Variants in FAM184A observed in about 807,000 individuals in gnomAD.
FAM184A encodes protein FAM184A.
FAM184A carries 99 observed loss-of-function variants against 143.8 expected under a neutral mutation model. The observed-to-expected ratio is 0.69, with a 90% CI of 0.58 to 0.81. The LOEUF is 0.81. Among genes scored for constraint, FAM184A ranks in the 40% least tolerant of loss-of-function variants. The pLI, the probability that FAM184A is intolerant of heterozygous loss-of-function variation, is 0.00. For missense variants in FAM184A, 1,217 were observed against 1,310.5 expected, an observed-to-expected ratio of 0.93 and a Z score of 1.10; for synonymous variants, 427 against 446.4, an observed-to-expected ratio of 0.96 and a Z score of 0.55.
intron 1 of FAM184A, among the ~76,000 whole-genome samples, chr6:119,114,410 C>G (rs1192630773): frequency 6.6e-6 from 1 of 152,226 alleles, no homozygotes. Flanking sequence ...TGTCACTAGC[C>G]TCCTAACCTT....
At chr6:119,019,786 T>C (rs1452533944) in intron 4 of FAM184A, among the ~76,000 whole-genome samples, 192 bp downstream of exon 4, 1 of 152,250 alleles carries the variant, frequency 6.6e-6, no homozygotes, top group Middle Eastern at 3.2e-3. Flanking sequence ...TACCCACATA[T>C]TTTGAACATA....
chr6:119,050,722 G>A (rs1164457082), intron 1 of FAM184A, among the ~76,000 whole-genome samples: 4 of 151,916 alleles, frequency 2.6e-5, no homozygotes, highest in South Asian at 2.1e-4. Flanking sequence ...GGAGAATGGC[G>A]TGAACCCGGG....
chr6:119,086,597 T>A (rs1303257180), intron 1 of FAM184A, among the ~76,000 whole-genome samples: 1 of 152,132 alleles, frequency 6.6e-6, no homozygotes, highest in Non-Finnish European at 1.5e-5. Flanking sequence ...TAGTGTAATA[T>A]GGCTAGAGCA....
At chr6:119,087,962 A>C (rs1442580374) in intron 1 of FAM184A, among the ~76,000 whole-genome samples, 1 of 152,218 alleles carries the variant, frequency 6.6e-6, no homozygotes, top group Non-Finnish European at 1.5e-5. Context: ...AAGATATTAC[A>C]TTAAGTGAAA....
At chr6:119,097,036 G>C (rs1458532863) in intron 1 of FAM184A, among the ~76,000 whole-genome samples, 2 of 152,102 alleles carry the variant, frequency 1.3e-5, no homozygotes, top group Non-Finnish European at 2.9e-5. Context: ...TCCCAGAGTA[G>C]AAAGTATGGG....
intron 5 of FAM184A, among the ~76,000 whole-genome samples, chr6:119,015,657 C>A (rs1785222795): frequency 6.6e-6 from 1 of 152,228 alleles, no homozygotes; most frequent in South Asian, 2.1e-4. Context: ...CGAATGCTGC[C>A]CCCTGCTCCA....
intron 1 of FAM184A, among the ~76,000 whole-genome samples, chr6:119,127,587 C>A (rs1230942436): frequency 6.6e-6 from 1 of 152,182 alleles, no homozygotes; most frequent in Non-Finnish European, 1.5e-5. Context: ...TGATCCCGGT[C>A]AAATGATTTA....
chr6:119,078,747 G>A (rs972288519), upstream of FAM184A: 3 of 153,084 alleles, frequency 2.0e-5, no homozygotes, highest in South Asian at 3.5e-4. This position sits in a 1 kb window ranked among gnomAD's most constrained non-coding sequence, Gnocchi z 5.5. Flanking sequence ...CGTTACCAGG[G>A]CGCGCGCGGG....
chr6:119,105,607 A>G (rs184269495), intron 1 of FAM184A, among the ~76,000 whole-genome samples: 99 of 152,310 alleles, frequency 6.5e-4, no homozygotes, highest in Admixed American at 1.0e-3. Context: ...TCTTTACAGC[A>G]GTGTGAAAAC....
intron 1 of FAM184A, among the ~76,000 whole-genome samples, chr6:119,086,389 G>C (rs535269009): frequency 6.6e-6 from 1 of 152,270 alleles, no homozygotes; most frequent in South Asian, 2.1e-4. Context: ...AGTGTGAAAG[G>C]AACTCCAAAA....
chr6:119,042,222 G>A (rs1786366047), intron 1 of FAM184A, among the ~76,000 whole-genome samples: 1 of 152,178 alleles, frequency 6.6e-6, no homozygotes, highest in African/African-American at 2.4e-5. Flanking sequence ...GACGATGGGG[G>A]ATGCCTCATC....
intron 1 of FAM184A, among the ~76,000 whole-genome samples, chr6:119,135,840 A>T (rs1228687967): frequency 6.6e-6 from 1 of 152,092 alleles, no homozygotes; most frequent in Non-Finnish European, 1.5e-5. Flanking sequence ...GGTCTGTAGC[A>T]TTTTAGTATT....
At chr6:118,973,975 A>G (rs1402404732) in intron 14 of FAM184A, among the ~76,000 whole-genome samples, 1 of 152,044 alleles carries the variant, frequency 6.6e-6, no homozygotes, top group Non-Finnish European at 1.5e-5. Context: ...CATCTCCAGT[A>G]CCTCCTAATC....
chr6:118,986,249 C>T (rs1334804719), intron 9 of FAM184A, among the ~76,000 whole-genome samples: 1 of 151,814 alleles, frequency 6.6e-6, no homozygotes, highest in Non-Finnish European at 1.5e-5. Flanking sequence ...GCCGAGATTG[C>T]GCCACTGCAC....
chr6:119,113,364 T>C (rs1788980441), intron 1 of FAM184A, among the ~76,000 whole-genome samples: 1 of 152,128 alleles, frequency 6.6e-6, no homozygotes, highest in Non-Finnish European at 1.5e-5. Flanking sequence ...GAGTTACGGG[T>C]TGTCATGCAG....
intron 1 of FAM184A, among the ~76,000 whole-genome samples, chr6:119,104,570 A>G (rs1014630457): frequency 8.5e-5 from 13 of 152,216 alleles, no homozygotes; most frequent in Admixed American, 7.9e-4. Flanking sequence ...TGTCCCTACA[A>G]AGATTCTAAG....
upstream of FAM184A, among the ~76,000 whole-genome samples, chr6:119,082,748 T>G (rs142236334): frequency 4.4e-3 from 673 of 152,346 alleles, 6 homozygotes; most frequent in African/African-American, 0.015. Flanking sequence ...CCATGGCTGC[T>G]TTCATGGGCC....
chr6:119,057,156 T>A (rs980143035), intron 1 of FAM184A, among the ~76,000 whole-genome samples: 23 of 152,286 alleles, frequency 1.5e-4, no homozygotes, highest in African/African-American at 4.8e-4. Context: ...AATACACACA[T>A]ACACACTATT....
At chr6:119,060,861 G>C (rs1787207267) in intron 1 of FAM184A, among the ~76,000 whole-genome samples, 1 of 152,112 alleles carries the variant, frequency 6.6e-6, no homozygotes, top group Non-Finnish European at 1.5e-5. Flanking sequence ...GCTCCCTGAG[G>C]CCTCCCCAGA....
Sources: allele counts gnomAD v4.1 joint callset (sites outside exome capture counted in the v4.1 genomes callset), GRCh38; gene constraint gnomAD v4.1.1; non-coding constraint Gnocchi (gnomAD v3.1); transcripts MANE v1.5; gene names NCBI Gene and HGNC (gene_info 2026-07-23, HGNC 2026-07-21).